NR2F1-AS1: variants seen among roughly 807,000 people sequenced by gnomAD.
The protein encoded by NR2F1-AS1 is NR2F1 antisense RNA 1.
At chr5:93,545,656 T>C (rs1199847967) in intron 4 of NR2F1-AS1, among the ~76,000 whole-genome samples, 2 of 152,236 alleles carry the variant, frequency 1.3e-5, no homozygotes, top group Admixed American at 6.5e-5. Flanking sequence ...CTGCTGTGCA[T>C]TTCTTTAAAC....
chr5:93,437,531 C>A (rs1390186860), intron 4 of NR2F1-AS1, among the ~76,000 whole-genome samples: 1 of 152,058 alleles, frequency 6.6e-6, no homozygotes, highest in East Asian at 1.9e-4. Context: ...AGGCAAAAGT[C>A]ACAGTTATAA....
intron 4 of NR2F1-AS1, among the ~76,000 whole-genome samples, chr5:93,471,886 C>G (rs1241929345): frequency 6.6e-6 from 1 of 151,832 alleles, no homozygotes; most frequent in East Asian, 1.9e-4. Flanking sequence ...CAAAGGTGAA[C>G]TTATTTAACC....
intron 4 of NR2F1-AS1, among the ~76,000 whole-genome samples, chr5:93,481,219 T>C (rs940265955): frequency 2.0e-5 from 3 of 152,026 alleles, no homozygotes; most frequent in South Asian, 2.1e-4. Context: ...AGGCTGGCTA[T>C]ACTGATATCA....
chr5:93,546,528 T>C (rs181654402), intron 4 of NR2F1-AS1, among the ~76,000 whole-genome samples: 164 of 152,340 alleles, frequency 1.1e-3, no homozygotes, highest in Non-Finnish European at 1.5e-3. Flanking sequence ...AGGCATCAAC[T>C]CTAATCAGTA....
At chr5:93,428,379 CATAA>C (rs1158089319) in intron 4 of NR2F1-AS1, among the ~76,000 whole-genome samples, 1 of 152,154 alleles carries the variant, frequency 6.6e-6, no homozygotes, top group Non-Finnish European at 1.5e-5. Context: ...ATAAACCTTC[CATAA>C]ATAATGTTCA....
At chr5:93,520,723 G>A (rs1383522458) in intron 4 of NR2F1-AS1, among the ~76,000 whole-genome samples, 6 of 152,022 alleles carry the variant, frequency 3.9e-5, no homozygotes, top group African/African-American at 1.4e-4. Flanking sequence ...TTATTTAAAT[G>A]AGCAAAAGGA....
chr5:93,504,466 G>A (rs762354168), intron 4 of NR2F1-AS1, among the ~76,000 whole-genome samples: 2 of 152,114 alleles, frequency 1.3e-5, no homozygotes, highest in Non-Finnish European at 2.9e-5. Context: ...TGATATTCCA[G>A]AGAATAAAAA....
At chr5:93,441,642 T>C (rs1426448943) in intron 4 of NR2F1-AS1, among the ~76,000 whole-genome samples, 2 of 152,356 alleles carry the variant, frequency 1.3e-5, no homozygotes, top group South Asian at 4.1e-4. Context: ...CTTAAACTTG[T>C]AGAGCATTCT....
intron 4 of NR2F1-AS1, among the ~76,000 whole-genome samples, chr5:93,457,606 A>C (rs543024711): frequency 1.3e-5 from 2 of 151,454 alleles, no homozygotes; most frequent in East Asian, 3.9e-4. Flanking sequence ...TGACAAAACC[A>C]CCATTGTCAT....
chr5:93,549,403 G>A (rs1365134066), intron 4 of NR2F1-AS1, among the ~76,000 whole-genome samples: 2 of 152,030 alleles, frequency 1.3e-5, no homozygotes, highest in Non-Finnish European at 2.9e-5. Flanking sequence ...GAAAGTAAGG[G>A]GAAAGGCACT....
At chr5:93,438,417 C>T (rs1232675369) in intron 4 of NR2F1-AS1, among the ~76,000 whole-genome samples, 1 of 152,202 alleles carries the variant, frequency 6.6e-6, no homozygotes, top group Non-Finnish European at 1.5e-5. Context: ...TGACTCCTGC[C>T]TCTCATTCAC....
At chr5:93,540,019 A>C (rs1180447579) in intron 4 of NR2F1-AS1, among the ~76,000 whole-genome samples, 1 of 152,202 alleles carries the variant, frequency 6.6e-6, no homozygotes, top group Admixed American at 6.5e-5. Flanking sequence ...CAAAAAAGCA[A>C]ATCACTTGGC....
chr5:93,521,088 C>T lies in NR2F1-AS1; in HGVS notation n.638+32673G>A, dbSNP rs1472432956. ...CACACACCTATGACCATCTGATATT[C>T]GACAAAGCTGACAAAAACACGCAAT... On this transcript the variant is annotated intron_variant and non_coding_transcript_variant, in intron 4 of 5. Transcript: ENST00000660523. Among the ~76,000 whole-genome samples, 6 of 152,008 alleles carry T rather than the reference C, an allele frequency of 3.9e-5. No homozygotes were observed. The East Asian group carries it at 5.8e-4, about 15-fold the overall frequency.
chr5:93,444,258 A>G (rs1362279194), intron 4 of NR2F1-AS1, among the ~76,000 whole-genome samples: 1 of 152,230 alleles, frequency 6.6e-6, no homozygotes, highest in East Asian at 1.9e-4. Flanking sequence ...AGACTGGCAA[A>G]TTGGATAAAG....
intron 1 of NR2F1-AS1, among the ~76,000 whole-genome samples, chr5:93,566,221 T>A (rs193097563): frequency 6.6e-6 from 1 of 152,140 alleles, no homozygotes; most frequent in African/African-American, 2.4e-5. Context: ...AATAGCTATT[T>A]AATTGTTATC....
At chr5:93,437,491 T>C (rs1202338047) in intron 4 of NR2F1-AS1, among the ~76,000 whole-genome samples, 1 of 152,190 alleles carries the variant, frequency 6.6e-6, no homozygotes, top group African/African-American at 2.4e-5. Flanking sequence ...ATCTTATTTC[T>C]ATTGAAGAGG....
At chr5:93,444,440 A>G (rs1381937748) in intron 4 of NR2F1-AS1, among the ~76,000 whole-genome samples, 2 of 152,172 alleles carry the variant, frequency 1.3e-5, no homozygotes, top group African/African-American at 4.8e-5. Flanking sequence ...ACTAAGACCA[A>G]AAGAGACAAA....
intron 4 of NR2F1-AS1, chr5:93,553,666 A>G (rs1285612006): frequency 6.6e-6 from 1 of 152,216 alleles, no homozygotes; most frequent in East Asian, 1.9e-4. Context: ...AATGTCTCAT[A>G]AAACAAAGTT....
At chr5:93,545,425 A>G (rs1252030702) in intron 4 of NR2F1-AS1, among the ~76,000 whole-genome samples, 2 of 152,266 alleles carry the variant, frequency 1.3e-5, no homozygotes, top group East Asian at 3.8e-4. Context: ...AGCATTAAGT[A>G]TCTCTGTAAC....
Sources: allele counts gnomAD v4.1 joint callset (sites outside exome capture counted in the v4.1 genomes callset), GRCh38; gene constraint gnomAD v4.1.1; transcripts MANE v1.5; gene names NCBI Gene and HGNC (gene_info 2026-07-23, HGNC 2026-07-21).